SGCZ: variants seen among roughly 807,000 people sequenced by gnomAD.
SGCZ encodes sarcoglycan zeta, also known as zeta-sarcoglycan.
Under a neutral mutation model 41.3 loss-of-function variants are expected in SGCZ, and 40 were observed. That is an observed-to-expected ratio of 0.97 (90% CI 0.75 to 1.26). The LOEUF is 1.26. Among genes scored for constraint, SGCZ ranks in the 50% most tolerant of loss-of-function variants. SGCZ has a pLI of 0.00. For missense variants in SGCZ, 552 were observed against 369.8 expected (o/e 1.49, Z -4.04); for synonymous variants, 206 against 137.5 (o/e 1.50, Z -3.49).
At chr8:14,920,602 T>G (rs955980718) in intron 1 of SGCZ, among the ~76,000 whole-genome samples, 2 of 152,074 alleles carry the variant, frequency 1.3e-5, no homozygotes, top group Admixed American at 1.3e-4. Context: ...GGTAACAGAT[T>G]AAGAAGATAT....
At chr8:14,372,284 G>T (rs942707943) in intron 2 of SGCZ, among the ~76,000 whole-genome samples, 6 of 152,142 alleles carry the variant, frequency 3.9e-5, no homozygotes, top group African/African-American at 1.4e-4. Flanking sequence ...TAGGTTGAAG[G>T]TTTTATGGAG....
At chr8:14,775,293 G>C (rs1048958643) in intron 1 of SGCZ, among the ~76,000 whole-genome samples, 3 of 152,054 alleles carry the variant, frequency 2.0e-5, no homozygotes, top group African/African-American at 7.2e-5. Context: ...TCAGTAATCA[G>C]CTTCTCCTTC....
chr8:14,630,690 C>T (rs1041588321), intron 1 of SGCZ, among the ~76,000 whole-genome samples: 9 of 131,212 alleles, frequency 6.9e-5, no homozygotes, highest in African/African-American at 2.2e-4. Context: ...TACTATGCAG[C>T]CATAAAAAAG....
chr8:14,988,510 T>G (rs1194346711), intron 1 of SGCZ, among the ~76,000 whole-genome samples: 2 of 152,064 alleles, frequency 1.3e-5, no homozygotes, highest in Non-Finnish European at 2.9e-5. Context: ...AAATATGGAT[T>G]GAGAATAGTG....
chr8:14,620,854 G>C (rs1806261197), intron 1 of SGCZ, among the ~76,000 whole-genome samples: 1 of 152,174 alleles, frequency 6.6e-6, no homozygotes, highest in African/African-American at 2.4e-5. Flanking sequence ...CTGTAAACTA[G>C]TTGAACCATT....
intron 1 of SGCZ, among the ~76,000 whole-genome samples, chr8:14,910,228 G>A (rs370828957): frequency 6.6e-6 from 1 of 151,950 alleles, no homozygotes; most frequent in Non-Finnish European, 1.5e-5. Context: ...AATTTGATAA[G>A]GATAATTCCC....
rs201394221 is a variant in SGCZ, at chr8:14,957,615, T to C, written c.39+279970A>G. 2.6e-5 allele frequency among the ~76,000 whole-genome samples: 4 copies of C among 152,180 alleles called. No individual in the cohort carries two copies. In the East Asian group the frequency reaches 7.7e-4, roughly 29 times the overall value. ...TTACTTGAGGTAAACTCAAGATTTCTTATTATATGGTGCCCAGATATATTG... is the reference window on the plus strand; with the variant it reads ...TTACTTGAGGTAAACTCAAGATTTCCTATTATATGGTGCCCAGATATATTG... On this transcript the variant is annotated intron_variant, in intron 1 of 7. Transcript: ENST00000382080.
intron 2 of SGCZ, among the ~76,000 whole-genome samples, chr8:14,505,204 G>A (rs1211860350): frequency 1.3e-5 from 2 of 151,976 alleles, no homozygotes; most frequent in Non-Finnish European, 2.9e-5. Flanking sequence ...GTTATTAAAG[G>A]TTCTTAAGTA....
chr8:14,856,143 T>A (rs1030285059), intron 1 of SGCZ, among the ~76,000 whole-genome samples: 16 of 152,224 alleles, frequency 1.1e-4, no homozygotes, highest in African/African-American at 3.6e-4. Context: ...GATCAAGATA[T>A]AAATTCCATT....
At chr8:14,300,628 C>T (rs1801154879) in intron 3 of SGCZ, among the ~76,000 whole-genome samples, 1 of 151,888 alleles carries the variant, frequency 6.6e-6, no homozygotes, top group African/African-American at 2.4e-5. Flanking sequence ...GAGTGCCTCA[C>T]AATAAGTAAT....
At chr8:15,175,467 T>A (rs1226649058) in intron 1 of SGCZ, among the ~76,000 whole-genome samples, 1 of 152,104 alleles carries the variant, frequency 6.6e-6, no homozygotes, top group African/African-American at 2.4e-5. Context: ...ATCTCACTTA[T>A]AAGTGGGAGC....
intron 2 of SGCZ, among the ~76,000 whole-genome samples, chr8:14,376,617 A>G (rs1192633756): frequency 1.3e-5 from 2 of 152,166 alleles, no homozygotes; most frequent in East Asian, 1.9e-4. Context: ...CAAATGCTAC[A>G]TAAGTTGTTC....
intron 1 of SGCZ, among the ~76,000 whole-genome samples, chr8:14,567,884 C>T (rs1372363706): frequency 7.9e-5 from 12 of 152,276 alleles, no homozygotes; most frequent in Admixed American, 7.2e-4. Context: ...ACGAATCCAC[C>T]AGAAGGAAGA....
chr8:14,518,567 T>C (rs1486438545), intron 2 of SGCZ, among the ~76,000 whole-genome samples: 2 of 152,124 alleles, frequency 1.3e-5, no homozygotes, highest in African/African-American at 4.8e-5. Flanking sequence ...AATAGAACTT[T>C]GTCTAGAATT....
At chr8:14,115,674 T>C (rs998226623) in intron 5 of SGCZ, among the ~76,000 whole-genome samples, 14 of 150,698 alleles carry the variant, frequency 9.3e-5, no homozygotes, top group Non-Finnish European at 1.9e-4. Flanking sequence ...TCTTTTTTAA[T>C]TTTTTTTTGT....
intron 1 of SGCZ, among the ~76,000 whole-genome samples, chr8:15,009,990 G>T (rs142783531): frequency 6.6e-6 from 1 of 152,018 alleles, no homozygotes; most frequent in Non-Finnish European, 1.5e-5. Flanking sequence ...CAAAGAGTCC[G>T]CTGCTTTAAG....
At chr8:15,167,154 T>C (rs148771110) in intron 1 of SGCZ, among the ~76,000 whole-genome samples, 1 of 152,242 alleles carries the variant, frequency 6.6e-6, no homozygotes, top group African/African-American at 2.4e-5. Flanking sequence ...TTGGAAACTA[T>C]CTGTGAGTAT....
At chr8:14,549,325 G>A (rs146934575) in intron 2 of SGCZ, among the ~76,000 whole-genome samples, 1 of 152,110 alleles carries the variant, frequency 6.6e-6, no homozygotes, top group African/African-American at 2.4e-5. Context: ...CCTCCTATCA[G>A]GGGAAGCTAG....
chr8:14,312,076 C>G (rs941581307), intron 3 of SGCZ, among the ~76,000 whole-genome samples: 6 of 152,026 alleles, frequency 3.9e-5, no homozygotes, highest in Admixed American at 3.3e-4. Flanking sequence ...TTTTTTGAAG[C>G]TGTTGATGAA....
Sources: allele counts gnomAD v4.1 joint callset (sites outside exome capture counted in the v4.1 genomes callset), GRCh38; gene constraint gnomAD v4.1.1; transcripts MANE v1.5; gene names NCBI Gene and HGNC (gene_info 2026-07-23, HGNC 2026-07-21).